The following ANLN variants were observed in gnomAD, a reference collection of about 807,000 sequenced individuals.
ANLN encodes anillin, actin binding protein.
ANLN carries 59 observed loss-of-function variants against 135.1 expected under a neutral mutation model. That is an observed-to-expected ratio of 0.44 (90% confidence interval 0.35 to 0.54). The LOEUF (loss-of-function observed/expected upper bound fraction) is 0.54, where lower values mean the gene tolerates loss of function less well. Ranked by LOEUF, ANLN falls within the 20% of genes least tolerant of loss-of-function variation. The pLI is 0.00. For missense variants in ANLN, 1,182 were observed against 1,340.0 expected (o/e 0.88, Z 1.84); for synonymous variants, 406 against 456.4 (o/e 0.89, Z 1.41).
chr7:36,427,462 C>A (rs919708690), intron 20 of ANLN, among the ~76,000 whole-genome samples: 1 of 151,972 alleles, frequency 6.6e-6, no homozygotes, highest in Admixed American at 6.6e-5. Flanking sequence ...TCGCGGGCTC[C>A]CACCTTAGCC....
At chr7:36,445,868 C>A (rs1788974889) in intron 22 of ANLN, among the ~76,000 whole-genome samples, 1 of 152,146 alleles carries the variant, frequency 6.6e-6, no homozygotes, top group Non-Finnish European at 1.5e-5. Flanking sequence ...TTTTCATATT[C>A]CCACCAATAC....
At chr7:36,444,304 AAT>A (rs1367460526) in intron 22 of ANLN, among the ~76,000 whole-genome samples, 3 of 151,510 alleles carry the variant, frequency 2.0e-5, no homozygotes, top group African/African-American at 4.9e-5. Flanking sequence ...AAAAAAAAAA[AAT>A]GTTTTTGTTG....
Position 36,452,645 on chromosome 7 carries a change from A to G in ANLN, c.*45A>G, listed in dbSNP as rs748738653. On this transcript the variant is annotated 3_prime_UTR_variant, in exon 24 of 24. Transcript: ENST00000265748. ...ATCTAGAGGTTTTTGATGTCATCTT[A>G]AGAAACACACTTAAGAGCATCAGAT... 1.2e-6 allele frequency: 2 copies of G among 1,604,654 alleles called. No homozygotes were observed. Among genetic ancestry groups the G allele is most frequent in the Non-Finnish European group, 1.7e-6 (2 of 1,173,928 alleles).
intron 23 of ANLN, among the ~76,000 whole-genome samples, chr7:36,452,149 A>G (rs779832224): frequency 1.3e-5 from 2 of 152,194 alleles, no homozygotes; most frequent in Non-Finnish European, 2.9e-5. Flanking sequence ...GTGCTCTTGC[A>G]GAGAAGTTGC....
At chr7:36,432,796 A>G (rs1341412795) in intron 20 of ANLN, among the ~76,000 whole-genome samples, 1 of 151,782 alleles carries the variant, frequency 6.6e-6, no homozygotes, top group Non-Finnish European at 1.5e-5. Context: ...TTTGTTTTTT[A>G]AGGCGTTGGT....
chr7:36,398,545 TTTTA>T (rs1280733319), intron 2 of ANLN, among the ~76,000 whole-genome samples: 17 of 152,338 alleles, frequency 1.1e-4, no homozygotes, highest in African/African-American at 4.1e-4. Flanking sequence ...TGTATGCACT[TTTTA>T]TTTACTATTG....
At chr7:36,429,714 T>C (rs145751866) in intron 20 of ANLN, among the ~76,000 whole-genome samples, 2 of 152,336 alleles carry the variant, frequency 1.3e-5, no homozygotes, top group East Asian at 3.9e-4. Flanking sequence ...ATAGCCAGTT[T>C]CTACATATGT....
At chr7:36,402,360 G>A (rs373683339) in intron 3 of ANLN, among the ~76,000 whole-genome samples, 2 of 151,470 alleles carry the variant, frequency 1.3e-5, no homozygotes, top group African/African-American at 2.4e-5. Flanking sequence ...TGATCCACCC[G>A]CCTCGGCCTC....
At position 36,421,987 on chromosome 7, in the gene ANLN, T is replaced by C; in HGVS notation, c.2294T>C (p.Ile765Thr). 6.2e-7 allele frequency: 1 copy of C among 1,612,340 alleles called. No homozygotes were observed. Among genetic ancestry groups the C allele is most frequent in the Non-Finnish European group, 8.5e-7 (1 of 1,179,342 alleles). Reference sequence around the variant, plus strand: ...GCTGAAGCAGAAAGACTTCTTCTAATTGCAAGTAAGTGTGATGCACCTGAA... The same window carrying C: ...GCTGAAGCAGAAAGACTTCTTCTAACTGCAAGTAAGTGTGATGCACCTGAA... ...EEAEAERLLLIATGKRTLLID... is the reference protein window; with the variant it reads ...EEAEAERLLLTATGKRTLLID... Residue 765 changes from isoleucine (I) to threonine (T), a missense_variant, in exon 13 of 24, where the codon ATT (isoleucine) becomes ACT (threonine). Transcript: ENST00000265748.
chr7:36,403,666 G>C (rs1391180781), intron 3 of ANLN: 1 of 152,028 alleles, frequency 6.6e-6, no homozygotes, highest in Non-Finnish European at 1.5e-5. Flanking sequence ...TATTTTTTTT[G>C]AGACAGGGCC....
intron 21 of ANLN, among the ~76,000 whole-genome samples, chr7:36,440,901 A>G (rs899221763): frequency 2.0e-5 from 3 of 152,220 alleles, no homozygotes; most frequent in Admixed American, 2.0e-4. Flanking sequence ...GATGCAAGGG[A>G]TGTTACAAGT....
Position 36,415,835 on chromosome 7 carries a change from G to T in ANLN, c.1473G>T (p.Lys491Asn). ...CTCAGTCACTTCCAGTAACAGAAAA[G>T]GTGACCGAAAACCAGATACCAGCCA... Reference protein sequence around the residue: ...SKTQSLPVTEKVTENQIPAKN... With the variant: ...SKTQSLPVTENVTENQIPAKN... The change falls in exon 8 of 24, where the codon AAG (lysine) becomes AAT (asparagine). Residue 491 changes from lysine to asparagine, a missense_variant. By Grantham distance (94) the Lys-to-Asn change is moderately conservative. This residue lies in a region of ANLN where 1,022 missense variants were observed against 1,134.0 expected (regional missense o/e 0.90). Coordinates refer to ENST00000265748, the MANE Select transcript of ANLN (RefSeq NM_018685.5). 1 of 1,609,250 alleles carries T rather than the reference G, an allele frequency of 6.2e-7. No individual in the cohort carries two copies. Among genetic ancestry groups the T allele is most frequent in the Non-Finnish European group, 8.5e-7 (1 of 1,178,336 alleles).
Position 36,449,744 on chromosome 7 carries a change from G to T in ANLN, c.3158G>T (p.Arg1053Leu), listed in dbSNP as rs767666268. The change falls in exon 23 of 24, where the codon CGC becomes CTC. Residue 1053 changes from arginine to leucine, a missense_variant. Around this residue, in one of 3 missense-constraint regions of ANLN, gnomAD observed 82 missense variants for 133.3 expected, o/e 0.62. Transcript: ENST00000265748. The part of the protein sequence containing the change: ...EPANREFCAR[R>L]NTFELITVRP... ...GCCAACAGAGAATTTTGTGCAAGAC[G>T]CAACACTTTTGAATTAATTACTGTC... 6.2e-7 allele frequency: 1 copy of T among 1,613,972 alleles called. No homozygotes were observed. Among genetic ancestry groups the T allele is most frequent in the East Asian group, 2.2e-5 (1 of 44,868 alleles).
intron 1 of ANLN, among the ~76,000 whole-genome samples, chr7:36,393,417 G>A (rs1171292853): frequency 6.6e-6 from 1 of 152,164 alleles, no homozygotes; most frequent in African/African-American, 2.4e-5. Flanking sequence ...CTGGAAACAG[G>A]CACTTCAAGA....
At chr7:36,450,038 G>A (rs1204490401) in intron 23 of ANLN, among the ~76,000 whole-genome samples, 1 of 152,184 alleles carries the variant, frequency 6.6e-6, no homozygotes, top group Admixed American at 6.5e-5. Context: ...TAATACTCAG[G>A]TTGTATCTTA....
chr7:36,421,533 A>T (rs1002043781), intron 12 of ANLN, among the ~76,000 whole-genome samples: 12 of 151,186 alleles, frequency 7.9e-5, no homozygotes, highest in Admixed American at 6.0e-4. Flanking sequence ...GAAGCATATT[A>T]AAAAAAAACA....
At chr7:36,405,398 T>C (rs924403243) in intron 3 of ANLN, among the ~76,000 whole-genome samples, 29 of 152,316 alleles carry the variant, frequency 1.9e-4, no homozygotes, top group Admixed American at 1.4e-3. Flanking sequence ...AGAGGGCTTA[T>C]TTCGAGCAAG....
In ANLN at chr7:36,396,205, T is replaced by C. The variant is rs187700551; in HGVS notation, c.19-61T>C. The stretch of plus-strand genomic sequence containing the variant: ...GGCAATTGGTGATTTTAGAAGATAC[T>C]GCAATTTTATGAACCTTTGATTAAA... On this transcript the variant is annotated intron_variant, in intron 1 of 23. Transcript: ENST00000265748. The C allele has an allele frequency of 5.0e-5, 72 of 1,436,198 alleles. No individual in the cohort carries two copies. The African/African-American group carries it at 9.7e-4, about 19-fold the overall frequency. 89.0% of individuals were successfully genotyped at this position (1,436,198 alleles called of 1,614,324 possible).
chr7:36,433,497 T>C (rs1283388463), intron 20 of ANLN, among the ~76,000 whole-genome samples: 1 of 152,186 alleles, frequency 6.6e-6, no homozygotes, highest in African/African-American at 2.4e-5. Flanking sequence ...GGTTTGATTT[T>C]AATGTGCCTA....
Sources: gnomAD v4.1 joint callset for allele counts (sites outside exome capture counted in the v4.1 genomes callset) on GRCh38, gnomAD v4.1.1 for gene constraint, gnomAD v4.1.1 regional missense constraint, MANE v1.5 for transcripts, NCBI Gene and HGNC (gene_info 2026-07-23, HGNC 2026-07-21) for gene names.